XRRA1: variants seen among roughly 807,000 people sequenced by gnomAD.
XRRA1 encodes the protein X-ray radiation resistance-associated protein 1.
A neutral mutation model predicts 80.2 loss-of-function variants in XRRA1; 69 were observed. That is an observed-to-expected ratio of 0.86 (90% CI 0.71 to 1.05). XRRA1 has a LOEUF of 1.05. XRRA1 is among the 50% of genes least tolerant of loss of function. The pLI, the probability that XRRA1 is intolerant of heterozygous loss-of-function variation, is 0.00. For missense variants in XRRA1, 967 were observed against 976.4 expected, an observed-to-expected ratio of 0.99 and a Z score of 0.13; for synonymous variants, 348 against 389.9, an observed-to-expected ratio of 0.89 and a Z score of 1.27.
intron 10 of XRRA1, among the ~76,000 whole-genome samples, chr11:74,895,391 G>A (rs947908468): frequency 6.6e-6 from 1 of 152,222 alleles, no homozygotes; most frequent in Non-Finnish European, 1.5e-5. Flanking sequence ...CTAGCCAGAG[G>A]GGAATCACCC....
At chr11:74,882,869 C>T (rs2048015118) in intron 10 of XRRA1, among the ~76,000 whole-genome samples, 1 of 152,208 alleles carries the variant, frequency 6.6e-6, no homozygotes, top group Non-Finnish European at 1.5e-5. Flanking sequence ...TCTGCCTGTT[C>T]TCAGATCTCC....
At chr11:74,936,793 G>C in intron 4 of XRRA1, 91 bp downstream of exon 4, 1 of 1,419,752 alleles carries the variant, frequency 7.0e-7, no homozygotes, top group South Asian at 1.4e-5. Flanking sequence ...AGTAGATTGG[G>C]GGTAGTTGTG....
In XRRA1 at chr11:74,841,007, G is replaced by A. The variant is rs1290417959; in HGVS notation, c.*2193C>T. 1 of 151,796 alleles carries A rather than the reference G, an allele frequency of 6.6e-6. No individual in the cohort carries two copies. Among genetic ancestry groups the A allele is most frequent in the Non-Finnish European group, 1.5e-5 (1 of 67,956 alleles). The allele number at this position is 151,796 out of a possible 1,614,324, so 9.4% of individuals were successfully genotyped here. On this transcript the variant is annotated 3_prime_UTR_variant, in exon 19 of 19. Coordinates refer to ENST00000684022, the MANE Select transcript of XRRA1 (RefSeq NM_001378157.1). ...TTAGTTAGAGTTAAATGTACCTATAGCCCCTGAATACATGCTCAGGTAGAG... is the reference window on the plus strand; with the variant it reads ...TTAGTTAGAGTTAAATGTACCTATAACCCCTGAATACATGCTCAGGTAGAG...
chr11:74,843,373 A>C lies in XRRA1; in HGVS notation c.2230T>G (p.Phe744Val). The part of the protein sequence containing the change: ...YLEAKRLLKE[F>V]QARYRQLVSG... ...ACCAGCTGCCGGTAACGTGCCTGGA[A>C]CTCCTTCAACAGCCTCTTGGCCTCC... Residue 744 changes from phenylalanine (F) to valine (V), a missense_variant, in exon 19 of 19, where the codon TTC becomes GTC. Physicochemically the swap from Phe to Val is conservative, Grantham distance 50 (BLOSUM62 -1). Transcript: ENST00000684022. 1 of 1,612,052 alleles carries C rather than the reference A, an allele frequency of 6.2e-7. No individual in the cohort carries two copies. Among genetic ancestry groups the C allele is most frequent in the South Asian group, 1.1e-5 (1 of 90,566 alleles).
chr11:74,867,074 A>C (rs2043617131), intron 10 of XRRA1, among the ~76,000 whole-genome samples: 1 of 152,166 alleles, frequency 6.6e-6, no homozygotes, highest in South Asian at 2.1e-4. Flanking sequence ...GTGGCCCTGC[A>C]CCCTGGCCCA....
intron 11 of XRRA1, 134 bp downstream of exon 11, chr11:74,862,847 A>G: frequency 1.3e-6 from 1 of 777,348 alleles, no homozygotes; most frequent in South Asian, 1.9e-5. Context: ...CTTGGCAACT[A>G]CCTATTCAAT....
At chr11:74,893,880 G>T (rs2051497444) in intron 10 of XRRA1, among the ~76,000 whole-genome samples, 1 of 152,172 alleles carries the variant, frequency 6.6e-6, no homozygotes, top group African/African-American at 2.4e-5. Flanking sequence ...ATTGGATCCA[G>T]CAATACCACT....
intron 13 of XRRA1, 72 bp from the exon 14 acceptor site, chr11:74,851,275 C>G: frequency 8.6e-7 from 1 of 1,166,660 alleles, no homozygotes; most frequent in Non-Finnish European, 1.2e-6. Context: ...GTGCCAGGCA[C>G]TATTCAAATT....
At chr11:74,917,213 C>A (rs1482916610) in intron 8 of XRRA1, among the ~76,000 whole-genome samples, 1 of 152,016 alleles carries the variant, frequency 6.6e-6, no homozygotes, top group Non-Finnish European at 1.5e-5. Context: ...TTTTGTCCAC[C>A]CTGGCTCCTG....
At chr11:74,899,481 T>C (rs1440715734) in intron 10 of XRRA1, among the ~76,000 whole-genome samples, 1 of 152,098 alleles carries the variant, frequency 6.6e-6, no homozygotes, top group Non-Finnish European at 1.5e-5. Flanking sequence ...AGTTGGTTTT[T>C]TGAAAAGATA....
chr11:74,919,603 AG>A (rs2138857065), intron 8 of XRRA1: 3 of 540,466 alleles, frequency 5.6e-6, no homozygotes, highest in South Asian at 4.6e-5. Flanking sequence ...CCTGTGAAGA[AG>A]GGTGGCAAGA....
intron 1 of XRRA1, among the ~76,000 whole-genome samples, chr11:74,948,151 C>A (rs1214309105): frequency 6.6e-6 from 1 of 152,088 alleles, no homozygotes; most frequent in South Asian, 2.1e-4. Context: ...ATTCTTTAGA[C>A]GCTTATGGGG....
At chr11:74,914,292 T>C (rs888179213) in intron 8 of XRRA1, among the ~76,000 whole-genome samples, 7 of 142,152 alleles carry the variant, frequency 4.9e-5, no homozygotes, top group Non-Finnish European at 9.4e-5. Flanking sequence ...ATCCCCCTTT[T>C]AAATTTTAGA....
chr11:74,867,890 AGAG>A (rs1565271301), intron 10 of XRRA1, among the ~76,000 whole-genome samples: 1 of 148,392 alleles, frequency 6.7e-6, no homozygotes, highest in Non-Finnish European at 1.5e-5. Flanking sequence ...AGCACAAACC[AGAG>A]GAGAATGGGG....
chr11:74,863,847 T>A (rs1256312442), intron 10 of XRRA1: 1 of 152,170 alleles, frequency 6.6e-6, no homozygotes, highest in Non-Finnish European at 1.5e-5. Context: ...CTTTGTGCAA[T>A]GAACAAAGTA....
At chr11:74,867,094 T>C (rs34476876) in intron 10 of XRRA1, among the ~76,000 whole-genome samples, 2,430 of 152,226 alleles carry the variant, frequency 0.016, 36 homozygotes, top group Middle Eastern at 0.027. Flanking sequence ...ATCCAAAGGA[T>C]GGCACCTTCA....
intron 10 of XRRA1, among the ~76,000 whole-genome samples, chr11:74,897,508 A>G (rs1039689058): frequency 2.0e-5 from 3 of 152,080 alleles, no homozygotes; most frequent in Admixed American, 2.0e-4. Context: ...CAAGCATAAG[A>G]AAGTTATAGA....
chr11:74,911,336 CA>C (rs1047498973), intron 8 of XRRA1: 4 of 152,176 alleles, frequency 2.6e-5, no homozygotes, highest in African/African-American at 9.7e-5. Context: ...CTCAGCCTCC[CA>C]AAGTGCTGGG....
chr11:74,915,788 G>A (rs1047165843), intron 8 of XRRA1, among the ~76,000 whole-genome samples: 1 of 152,124 alleles, frequency 6.6e-6, no homozygotes, highest in Admixed American at 6.5e-5. Flanking sequence ...TTGAGTTACT[G>A]TCTAGCATCC....
Sources: gnomAD v4.1 joint callset for allele counts (sites outside exome capture counted in the v4.1 genomes callset) on GRCh38, gnomAD v4.1.1 for gene constraint, MANE v1.5 for transcripts, NCBI Gene and HGNC (gene_info 2026-07-23, HGNC 2026-07-21) for gene names.